The following KCNK2 variants were observed in gnomAD, a reference collection of about 807,000 sequenced individuals.
KCNK2 encodes the protein potassium channel subfamily K member 2.
Under a neutral mutation model 40.5 loss-of-function variants are expected in KCNK2, and 21 were observed. The observed-to-expected ratio is 0.52, with a 90% CI of 0.37 to 0.75. The LOEUF (loss-of-function observed/expected upper bound fraction) is 0.75, where lower values mean the gene tolerates loss of function less well. Ranked by LOEUF, KCNK2 falls within the 30% of genes least tolerant of loss-of-function variation. The pLI is 0.00. For synonymous variants in KCNK2, 191 were observed against 202.2 expected (o/e 0.94, Z 0.47); for missense variants, 399 against 531.6 (o/e 0.75, Z 2.45).
intron 1 of KCNK2, among the ~76,000 whole-genome samples, chr1:215,050,420 G>T (rs1378608363): frequency 6.6e-6 from 1 of 152,150 alleles, no homozygotes; most frequent in Admixed American, 6.5e-5. Context: ...TATCTGCTGG[G>T]AGACTTCTCT....
At chr1:215,178,812 T>C (rs774665007) in intron 5 of KCNK2, among the ~76,000 whole-genome samples, 12 of 152,154 alleles carry the variant, frequency 7.9e-5, no homozygotes, top group Non-Finnish European at 1.8e-4. Context: ...GTTTTTCTTG[T>C]TATTGTGTCT....
At chr1:215,138,789 T>C (rs1662040552) in intron 3 of KCNK2, among the ~76,000 whole-genome samples, 2 of 152,174 alleles carry the variant, frequency 1.3e-5, no homozygotes, top group Admixed American at 6.5e-5. Context: ...ATAGACTTGA[T>C]TGCAAATCAC....
At chr1:215,182,923 C>T (rs1486872448) in intron 5 of KCNK2, among the ~76,000 whole-genome samples, 1 of 152,102 alleles carries the variant, frequency 6.6e-6, no homozygotes, top group Non-Finnish European at 1.5e-5. Flanking sequence ...GCCTGGGTTG[C>T]TTGGATCCCA....
intron 5 of KCNK2, among the ~76,000 whole-genome samples, chr1:215,187,046 T>G (rs1664466724): frequency 6.6e-6 from 1 of 152,206 alleles, no homozygotes; most frequent in Non-Finnish European, 1.5e-5. Flanking sequence ...CGTGGCTCAC[T>G]GCAGCCTCGA....
At chr1:215,168,015 A>C (rs933824966) in intron 3 of KCNK2, among the ~76,000 whole-genome samples, 5 of 152,146 alleles carry the variant, frequency 3.3e-5, no homozygotes, top group African/African-American at 1.2e-4. Context: ...ACTTAAACAC[A>C]TTAACAAGAA....
chr1:215,086,402 C>G lies in KCNK2; in HGVS notation c.81C>G (p.Ala27=), dbSNP rs996516936. 1.2e-6 allele frequency: 2 copies of G among 1,614,084 alleles called. No homozygotes were observed. Among genetic ancestry groups the G allele is most frequent in the East Asian group, 2.2e-5 (1 of 44,878 alleles). ...AAPDLLDPKS[A]AQNSKPRLSF... Reference sequence around the variant, plus strand: ...CTGACTTGCTGGATCCTAAATCTGCCGCTCAGAACTCCAAACCGAGGCTCT... The same window carrying G: ...CTGACTTGCTGGATCCTAAATCTGCGGCTCAGAACTCCAAACCGAGGCTCT... Residue 27 remains alanine (A), a synonymous_variant, in exon 2 of 7, where the codon GCC becomes GCG. Transcript: ENST00000444842.
intron 1 of KCNK2, among the ~76,000 whole-genome samples, chr1:215,049,368 A>C (rs933511717): frequency 6.6e-6 from 1 of 152,116 alleles, no homozygotes; most frequent in Non-Finnish European, 1.5e-5. Context: ...CTGTTTTGAG[A>C]GATCTTTATA....
intron 3 of KCNK2, among the ~76,000 whole-genome samples, chr1:215,148,958 ACT>A (rs1263981726): frequency 4.6e-5 from 7 of 152,116 alleles, no homozygotes; most frequent in African/African-American, 1.4e-4. Context: ...AGTAATGATG[ACT>A]CTGAAGTTTC....
intron 1 of KCNK2, among the ~76,000 whole-genome samples, chr1:215,042,764 C>G (rs1236837737): frequency 1.3e-5 from 2 of 152,122 alleles, no homozygotes; most frequent in African/African-American, 2.4e-5. Flanking sequence ...CTACTTTATT[C>G]TCTCATAAAA....
rs1553267720 is a variant in KCNK2, at chr1:215,148,080, C to CTTTCTTTT, written c.476-21116_476-21115insCTTTTTTT. On this transcript the variant is annotated intron_variant, in intron 3 of 6. Transcript: ENST00000444842. Reference sequence around the variant, plus strand: ...ATTATTATTTTTTTATTTTCTTTTCCTTTTTTTTTTTTTTTTTTGGCAGGG... The same window carrying CTTTCTTTT: ...ATTATTATTTTTTTATTTTCTTTTCCTTTCTTTTTTTTTTTTTTTTTTTTTTGGCAGGG... 2.2e-4 allele frequency among the ~76,000 whole-genome samples: 24 copies of CTTTCTTTT among 111,152 alleles called. 3 individuals are homozygous for CTTTCTTTT. Among genetic ancestry groups the CTTTCTTTT allele is most frequent in the South Asian group, 3.0e-4 (1 of 3,336 alleles). The allele number at this position is 111,152 out of a possible 152,430, so 72.9% of individuals were successfully genotyped here.
intron 3 of KCNK2, among the ~76,000 whole-genome samples, chr1:215,141,537 A>G (rs939701565): frequency 6.6e-6 from 1 of 152,106 alleles, no homozygotes; most frequent in South Asian, 2.1e-4. Context: ...GATTTATCTC[A>G]CGATTAGTTT....
intron 1 of KCNK2, among the ~76,000 whole-genome samples, chr1:215,056,307 T>TTAAA (rs772760105): frequency 2.3e-5 from 1 of 43,056 alleles, no homozygotes; most frequent in African/African-American, 6.9e-5. Context: ...AAACTCCATC[T>TTAAA]CAAAAAAAAA....
In KCNK2 at chr1:215,131,110, T is replaced by C. The variant is rs371057319; in HGVS notation, c.475+6360T>C. Among the ~76,000 whole-genome samples the C allele has an allele frequency of 2.6e-5, 4 of 151,510 alleles. No individual in the cohort carries two copies. In the East Asian group the frequency reaches 7.7e-4, roughly 29 times the overall value. ...CTCCTGACCTTGTGATCCGCCCGCCTCGGCCTCCCAAAGTGCTGGGATTAC... is the reference window on the plus strand; with the variant it reads ...CTCCTGACCTTGTGATCCGCCCGCCCCGGCCTCCCAAAGTGCTGGGATTAC... On this transcript the variant is annotated intron_variant, in intron 3 of 6. Transcript: ENST00000444842.
intron 1 of KCNK2, among the ~76,000 whole-genome samples, chr1:215,066,413 C>G (rs992527956): frequency 3.3e-5 from 5 of 151,962 alleles, no homozygotes; most frequent in African/African-American, 1.2e-4. Context: ...CTGAACGTAA[C>G]CAAAATCAAT....
intron 1 of KCNK2, among the ~76,000 whole-genome samples, chr1:215,049,043 A>C (rs894024214): frequency 1.3e-5 from 2 of 152,176 alleles, no homozygotes; most frequent in Non-Finnish European, 2.9e-5. Flanking sequence ...TCTTAGGATC[A>C]TGTTTTTATA....
chr1:215,096,325 A>AT (rs970714290), intron 2 of KCNK2, among the ~76,000 whole-genome samples: 19 of 151,594 alleles, frequency 1.3e-4, no homozygotes, highest in African/African-American at 4.6e-4. Context: ...ATTTAGTAAC[A>AT]TTTTTTTCCT....
intron 1 of KCNK2, among the ~76,000 whole-genome samples, chr1:215,084,004 A>G (rs1410867574): frequency 1.3e-5 from 2 of 152,172 alleles, no homozygotes; most frequent in Non-Finnish European, 2.9e-5. Flanking sequence ...GGAAACCAAG[A>G]GGTTCCCTGT....
intron 6 of KCNK2, among the ~76,000 whole-genome samples, chr1:215,224,318 C>T (rs1403728693): frequency 3.9e-5 from 6 of 152,020 alleles, no homozygotes; most frequent in Admixed American, 3.3e-4. Context: ...TTACATGAAA[C>T]GGACTCTGGA....
intron 1 of KCNK2, among the ~76,000 whole-genome samples, chr1:215,006,154 C>G (rs181526963): frequency 6.0e-4 from 92 of 152,170 alleles, no homozygotes; most frequent in African/African-American, 2.0e-3. Flanking sequence ...ATAAATTGCA[C>G]GTTAATTCGG....
Sources: gnomAD v4.1 joint callset for allele counts (sites outside exome capture counted in the v4.1 genomes callset) on GRCh38, gnomAD v4.1.1 for gene constraint, MANE v1.5 for transcripts, NCBI Gene and HGNC (gene_info 2026-07-23, HGNC 2026-07-21) for gene names.